CHN2: variants seen among roughly 807,000 people sequenced by gnomAD.
The protein encoded by CHN2 is beta-chimaerin.
A neutral mutation model predicts 56.3 loss-of-function variants in CHN2; 35 were observed. The observed-to-expected ratio is 0.62, with a 90% confidence interval of 0.47 to 0.82. CHN2 has a LOEUF of 0.82. CHN2 is among the 40% of genes least tolerant of loss of function. The pLI is 0.00. For missense variants in CHN2, 491 were observed against 580.5 expected (o/e 0.85, Z 1.58); for synonymous variants, 210 against 212.8 (o/e 0.99, Z 0.12).
chr7:29,408,365 G>T (rs1198095164), intron 6 of CHN2, among the ~76,000 whole-genome samples: 3 of 152,086 alleles, frequency 2.0e-5, no homozygotes, highest in African/African-American at 4.8e-5. Flanking sequence ...AAGGGGAGAC[G>T]AGAGTAAAGG....
chr7:29,368,069 T>C (rs1343099271), intron 3 of CHN2, 82 bp downstream of exon 3: 3 of 1,184,614 alleles, frequency 2.5e-6, no homozygotes, highest in Non-Finnish European at 3.5e-6. Flanking sequence ...GGATTTCAGG[T>C]TTCCTGGGAG....
chr7:29,325,867 C>T (rs1406153047), intron 1 of CHN2, among the ~76,000 whole-genome samples: 1 of 152,096 alleles, frequency 6.6e-6, no homozygotes. Context: ...AGAGATGTAG[C>T]TGAAAAAAAC....
chr7:29,408,949 A>T (rs1802917475), intron 6 of CHN2, among the ~76,000 whole-genome samples: 1 of 152,250 alleles, frequency 6.6e-6, no homozygotes, highest in African/African-American at 2.4e-5. Flanking sequence ...AAATAGTGCC[A>T]TCTTGTGGCT....
Position 29,400,582 on chromosome 7 carries a change from C to G in CHN2, c.330C>G (p.Asp110Glu). The change falls in exon 6 of 13, where the codon GAC (aspartate) becomes GAG (glutamate). Residue 110 changes from aspartate (D) to glutamate (E), a missense_variant. By Grantham distance (45) the Asp-to-Glu change is conservative. Coordinates refer to ENST00000222792, the MANE Select transcript of CHN2 (RefSeq NM_004067.4). ...NQTLNYRLFH[D>E]GKHFVGEKRF... is the part of the protein sequence containing the mutation. ...CCTTAAACTACAGGCTCTTCCACGACGGGAAACACTTTGTGGGTGAGAAGA... is the reference window on the plus strand; with the variant it reads ...CCTTAAACTACAGGCTCTTCCACGAGGGGAAACACTTTGTGGGTGAGAAGA... 6.2e-7 allele frequency: 1 copy of G among 1,614,120 alleles called. No homozygotes were observed. The highest frequency in any genetic ancestry group is 8.5e-7 in the Non-Finnish European group (1 of 1,180,028).
intron 1 of CHN2, among the ~76,000 whole-genome samples, chr7:29,291,300 A>G (rs1792601980): frequency 6.6e-6 from 1 of 152,092 alleles, no homozygotes; most frequent in Non-Finnish European, 1.5e-5. Context: ...GTTCCCTGGC[A>G]CCAGCTGCAA....
chr7:29,372,426 G>A (rs1416233559), intron 3 of CHN2, among the ~76,000 whole-genome samples: 1 of 151,944 alleles, frequency 6.6e-6, no homozygotes. Context: ...TGTATCTGTG[G>A]CACTTTATAT....
chr7:29,336,345 C>T (rs1163959093), intron 1 of CHN2, among the ~76,000 whole-genome samples: 3 of 152,096 alleles, frequency 2.0e-5, no homozygotes, highest in Admixed American at 2.0e-4. Context: ...GGCATGGTGA[C>T]CCACACCTGT....
At chr7:29,405,272 A>T (rs996515962) in intron 6 of CHN2, among the ~76,000 whole-genome samples, 1 of 149,312 alleles carries the variant, frequency 6.7e-6, no homozygotes, top group Non-Finnish European at 1.5e-5. Flanking sequence ...GCTCAACCCG[A>T]TGCTGATAGG....
At chr7:29,511,876 C>T (rs1193480457) in intron 12 of CHN2, among the ~76,000 whole-genome samples, 2 of 152,048 alleles carry the variant, frequency 1.3e-5, no homozygotes, top group Non-Finnish European at 2.9e-5. Flanking sequence ...GTTAAACCAG[C>T]TTTGCAGTTT....
At chr7:29,447,939 G>A (rs976984487) in intron 6 of CHN2, among the ~76,000 whole-genome samples, 3 of 152,152 alleles carry the variant, frequency 2.0e-5, no homozygotes, top group African/African-American at 7.2e-5. Context: ...CGTCTTCAAA[G>A]GTTCTGGTTT....
At chr7:29,369,426 T>A (rs1799430595) in intron 3 of CHN2, among the ~76,000 whole-genome samples, 1 of 152,182 alleles carries the variant, frequency 6.6e-6, no homozygotes, top group Non-Finnish European at 1.5e-5. Context: ...TGTAAATATA[T>A]ATGGAGAGCC....
chr7:29,164,547 G>A (rs1336053455), intron 2 of CHN2, among the ~76,000 whole-genome samples: 1 of 151,826 alleles, frequency 6.6e-6, no homozygotes, highest in Non-Finnish European at 1.5e-5. Flanking sequence ...CACTTCGGGG[G>A]GCTGAGGCGG....
chr7:29,435,180 T>C lies in CHN2; in HGVS notation c.576+34352T>C, dbSNP rs551688140. 6.5e-4 allele frequency among the ~76,000 whole-genome samples: 99 copies of C among 152,264 alleles called. 2 individuals are homozygous for C. In the South Asian group the frequency reaches 0.011, roughly 17 times the overall value. On this transcript the variant is annotated intron_variant, in intron 6 of 12. Coordinates refer to ENST00000222792, the MANE Select transcript of CHN2 (RefSeq NM_004067.4). ...AAATAGAAGCCAGTAAACATATCCA[T>C]CTGTTCATCAATTATTTTTTAAGAG...
intron 1 of CHN2, among the ~76,000 whole-genome samples, chr7:29,197,094 A>G (rs747916609): frequency 2.4e-4 from 37 of 152,202 alleles, no homozygotes; most frequent in African/African-American, 8.4e-4. Context: ...GACACAAGCA[A>G]TTCACACCTG....
chr7:29,294,312 A>G (rs777100227), intron 1 of CHN2, among the ~76,000 whole-genome samples: 1 of 152,126 alleles, frequency 6.6e-6, no homozygotes, highest in Non-Finnish European at 1.5e-5. Context: ...TTGGAGAAAT[A>G]CTTTTGGGAG....
At chr7:29,421,501 C>T (rs540806083) in intron 6 of CHN2, among the ~76,000 whole-genome samples, 3 of 152,200 alleles carry the variant, frequency 2.0e-5, no homozygotes, top group Non-Finnish European at 4.4e-5. Flanking sequence ...GCACCTGCCG[C>T]CCTAACCACA....
In CHN2 at chr7:29,509,391, T is replaced by C. The variant is rs567740950; in HGVS notation, c.1220T>C (p.Met407Thr). 5.6e-6 allele frequency: 9 copies of C among 1,613,778 alleles called. No individual in the cohort carries two copies. The African/African-American group carries it at 9.3e-5, about 17-fold the overall frequency. ...PAHYETLRYL[M>T]IHLKKVTMNE... ...CACTATGAAACCCTCCGGTACCTAA[T>C]GATCCACCTCAAAAAGTAAGCTCAT... The change falls in exon 12 of 13, where the codon ATG becomes ACG. Residue 407 changes from methionine to threonine, a missense_variant. Coordinates refer to ENST00000222792, the MANE Select transcript of CHN2 (RefSeq NM_004067.4).
At position 29,332,505 on chromosome 7, in the gene CHN2, T is replaced by C. The variant is rs190321494; in HGVS notation, c.50-22120T>C. ...GAATTTTGATCTTTTCCCGGGCTGG[T>C]GATACGGCCTAAAATGCTCTCTCGC... is the stretch of plus-strand genomic sequence containing the variant. On this transcript the variant is annotated intron_variant, in intron 1 of 12. Transcript: ENST00000222792. Among the ~76,000 whole-genome samples, 521 of 152,242 alleles carry C rather than the reference T, an allele frequency of 3.4e-3. 1 individual carries two copies. The highest frequency in any genetic ancestry group is 0.012 in the African/African-American group (493 of 41,556).
chr7:29,407,192 G>A (rs1475376702), intron 6 of CHN2, among the ~76,000 whole-genome samples: 2 of 152,112 alleles, frequency 1.3e-5, no homozygotes, highest in African/African-American at 4.8e-5. Flanking sequence ...TGAGGCACCC[G>A]GCTCAATAGC....
Sources: allele counts gnomAD v4.1 joint callset (sites outside exome capture counted in the v4.1 genomes callset), GRCh38; gene constraint gnomAD v4.1.1; transcripts MANE v1.5; gene names NCBI Gene and HGNC (gene_info 2026-07-23, HGNC 2026-07-21).